The following WDR17 variants were observed in gnomAD, a reference collection of about 807,000 sequenced individuals.
The protein encoded by WDR17 is WD repeat-containing protein 17.
WDR17 carries 143 observed loss-of-function variants against 161.7 expected under a neutral mutation model. That is an observed-to-expected ratio of 0.88 (90% CI 0.77 to 1.02). WDR17 has a LOEUF of 1.02. Ranked by LOEUF, WDR17 falls within the 50% of genes least tolerant of loss-of-function variation. WDR17 has a pLI of 0.00. For synonymous variants in WDR17, 517 were observed against 515.6 expected, an observed-to-expected ratio of 1.00 and a Z score of -0.04; for missense variants, 1,469 against 1,520.9, an observed-to-expected ratio of 0.97 and a Z score of 0.57.
intron 23 of WDR17, among the ~76,000 whole-genome samples, chr4:176,170,660 A>G (rs1750592314): frequency 6.6e-6 from 1 of 152,214 alleles, no homozygotes; most frequent in Admixed American, 6.5e-5. Flanking sequence ...AGAAGAATAT[A>G]GGCAGTTAGC....
At chr4:176,102,465 C>G (rs150176927) in intron 1 of WDR17, among the ~76,000 whole-genome samples, 1 of 152,282 alleles carries the variant, frequency 6.6e-6, no homozygotes, top group East Asian at 1.9e-4. Context: ...CATATTCTTA[C>G]TATATTATCC....
intron 1 of WDR17, among the ~76,000 whole-genome samples, chr4:176,082,450 T>C (rs13101415): frequency 0.21 from 31,992 of 151,964 alleles, 3,613 homozygotes; most frequent in South Asian, 0.27. Flanking sequence ...AACCTAAAAG[T>C]CGACCTGAGA....
At chr4:176,090,288 T>A (rs1337177056) in intron 1 of WDR17, among the ~76,000 whole-genome samples, 1 of 150,960 alleles carries the variant, frequency 6.6e-6, no homozygotes, top group African/African-American at 2.4e-5. Flanking sequence ...GGCATTTCCT[T>A]CCTCTTTTCT....
In WDR17 at chr4:176,074,793, C is replaced by T. The variant is rs74701266; in HGVS notation, c.-7+8714C>T. Among the ~76,000 whole-genome samples the T allele has an allele frequency of 2.5e-3, 317 of 124,764 alleles. 8 individuals carry two copies. The highest frequency in any genetic ancestry group is 9.4e-4 in the Non-Finnish European group (57 of 60,340). 81.9% of individuals were successfully genotyped at this position (124,764 alleles called of 152,430 possible). A position where few individuals can be genotyped will look rare whatever the true frequency, so the allele number is the denominator to read the frequency against. ...TACAAGAATAAAAGCTCTGGGCATG[C>T]GGGATTTTTTTTAATGCTTTTTTTT... is the stretch of plus-strand genomic sequence containing the variant. On this transcript the variant is annotated intron_variant, in intron 1 of 28. Transcript: ENST00000508596.
intron 1 of WDR17, among the ~76,000 whole-genome samples, chr4:176,102,452 A>G (rs1308781886): frequency 6.6e-6 from 1 of 152,200 alleles, no homozygotes; most frequent in Non-Finnish European, 1.5e-5. Flanking sequence ...TTACAAAGCT[A>G]AACATATTCT....
chr4:176,087,414 T>C (rs530069964), intron 1 of WDR17, among the ~76,000 whole-genome samples: 1 of 152,278 alleles, frequency 6.6e-6, no homozygotes, highest in South Asian at 2.1e-4. Flanking sequence ...AACATGACCA[T>C]TTTTAAGATT....
intron 22 of WDR17, 85 bp downstream of exon 22, chr4:176,163,378 C>G (rs1749329592): frequency 2.1e-6 from 3 of 1,410,090 alleles, no homozygotes; most frequent in Non-Finnish European, 2.9e-6. Context: ...ATAAGATATG[C>G]ATTGGGAGAA....
chr4:176,167,661 A>AAAAAC (rs767634184), intron 22 of WDR17, among the ~76,000 whole-genome samples: 4 of 113,772 alleles, frequency 3.5e-5, no homozygotes, highest in South Asian at 3.0e-4. Flanking sequence ...AAAAAAAAAA[A>AAAAAC]AAAAAAAAAA....
intron 1 of WDR17, among the ~76,000 whole-genome samples, chr4:176,102,916 C>T (rs528417625): frequency 6.6e-6 from 1 of 152,190 alleles, no homozygotes; most frequent in Non-Finnish European, 1.5e-5. Context: ...CCAGAAGTAT[C>T]TTGCAAGCAG....
Position 176,137,720 on chromosome 4 carries a change from A to T in WDR17, c.1359+109A>T, listed in dbSNP as rs1232949337. The T allele has an allele frequency of 5.3e-6, 3 of 570,394 alleles. No individual in the cohort carries two copies. The African/African-American group carries it at 5.9e-5, about 11-fold the overall frequency. 35.3% of individuals were successfully genotyped at this position (570,394 alleles called of 1,614,324 possible). A position where few individuals can be genotyped will look rare whatever the true frequency, so the allele number is the denominator to read the frequency against. ...TAATATCACTTAATAATCAGGTGGT[A>T]TGTGTGTTCTCTCAATTAGAAGAAA... is the stretch of plus-strand genomic sequence containing the variant. On this transcript the variant is annotated intron_variant, in intron 9 of 28. Transcript: ENST00000508596.
At chr4:176,172,655 T>C in intron 24 of WDR17, 139 bp downstream of exon 24, 1 of 803,904 alleles carries the variant, frequency 1.2e-6, no homozygotes, top group Non-Finnish European at 1.9e-6. Flanking sequence ...AGAAAGTAGA[T>C]TTATTGGCTC....
intron 1 of WDR17, among the ~76,000 whole-genome samples, chr4:176,081,138 C>T (rs991577771): frequency 3.9e-5 from 6 of 152,116 alleles, no homozygotes; most frequent in African/African-American, 1.4e-4. Context: ...TTTTGCTACC[C>T]TGTCCCCCAG....
At chr4:176,130,204 T>C (rs1399998973) in intron 6 of WDR17, among the ~76,000 whole-genome samples, 1 of 152,106 alleles carries the variant, frequency 6.6e-6, no homozygotes, top group African/African-American at 2.4e-5. Flanking sequence ...TACAAATAGA[T>C]TGGTGCATAA....
chr4:176,172,383 A>G lies in WDR17; in HGVS notation c.3111A>G (p.Leu1037=). ...AATCAATTATTTTCTAGTGTAAGCT[A>G]CCCACAGTGGAAGAATGTATGCAGT... ...EINDLHDKCK[L]PTVEECMQLA... is the part of the protein sequence containing the mutation. The change falls in exon 24 of 29, where the codon CTA becomes CTG. Residue 1037 remains leucine, a synonymous_variant. Transcript: ENST00000508596. 1 of 1,607,416 alleles carries G rather than the reference A, an allele frequency of 6.2e-7. No homozygotes were observed. The highest frequency in any genetic ancestry group is 8.5e-7 in the Non-Finnish European group (1 of 1,178,444).
At chr4:176,173,696 T>C (rs1430958634) in intron 25 of WDR17, among the ~76,000 whole-genome samples, 6 of 151,960 alleles carry the variant, frequency 3.9e-5, no homozygotes, top group African/African-American at 1.5e-4. Flanking sequence ...TTTGTATTTT[T>C]AGTAGAGACG....
intron 1 of WDR17, among the ~76,000 whole-genome samples, chr4:176,106,250 G>A (rs1738697693): frequency 6.6e-6 from 1 of 151,364 alleles, no homozygotes; most frequent in East Asian, 1.9e-4. Flanking sequence ...ATAGACCAGT[G>A]GAATATAATA....
At chr4:176,111,021 T>C (rs943471600) in intron 1 of WDR17, among the ~76,000 whole-genome samples, 4 of 152,248 alleles carry the variant, frequency 2.6e-5, no homozygotes, top group South Asian at 2.1e-4. Context: ...ACCTGTCTTA[T>C]GCACCTCAAA....
chr4:176,142,455 C>G (rs1376218226), intron 11 of WDR17, among the ~76,000 whole-genome samples: 2 of 152,112 alleles, frequency 1.3e-5, no homozygotes, highest in Non-Finnish European at 2.9e-5. Flanking sequence ...TGCATTGTCC[C>G]CCACCCGATG....
chr4:176,150,627 C>CA (rs755319519), intron 16 of WDR17, 34 bp downstream of exon 16: 764 of 1,539,878 alleles, frequency 5.0e-4, no homozygotes, highest in Non-Finnish European at 6.3e-4. Flanking sequence ...TGTACTCAAG[C>CA]AAATTTTTTG....
Sources: gnomAD v4.1 joint callset for allele counts (sites outside exome capture counted in the v4.1 genomes callset) on GRCh38, gnomAD v4.1.1 for gene constraint, MANE v1.5 for transcripts, NCBI Gene and HGNC (gene_info 2026-07-23, HGNC 2026-07-21) for gene names.